Variants in MAPRE2 observed in about 807,000 individuals in gnomAD.
MAPRE2 encodes the protein microtubule associated protein RP/EB family member 2, also known as microtubule-associated protein RP/EB family member 2.
Under a neutral mutation model 43.2 loss-of-function variants are expected in MAPRE2, and 13 were observed. The observed-to-expected ratio is 0.30, with a 90% CI of 0.20 to 0.48. The LOEUF is 0.48. Ranked by LOEUF, MAPRE2 falls within the 20% of genes least tolerant of loss-of-function variation. MAPRE2 has a pLI of 0.99. For synonymous variants in MAPRE2, 135 were observed against 148.8 expected (o/e 0.91, Z 0.68); for missense variants, 161 against 400.2 (o/e 0.40, Z 5.10).
At chr18:35,133,114 A>G (rs571075616) in intron 6 of MAPRE2, among the ~76,000 whole-genome samples, 12 of 152,332 alleles carry the variant, frequency 7.9e-5, no homozygotes, top group Non-Finnish European at 1.6e-4. Context: ...TCTATAGGAC[A>G]TAGCAAGCCA....
At chr18:35,043,691 A>G (rs748128567) in intron 1 of MAPRE2, among the ~76,000 whole-genome samples, 1 of 152,226 alleles carries the variant, frequency 6.6e-6, no homozygotes, top group Non-Finnish European at 1.5e-5. Flanking sequence ...TGTATTTGAT[A>G]TAATAGGATT....
intron 4 of MAPRE2, among the ~76,000 whole-genome samples, chr18:35,111,871 G>A (rs1428452742): frequency 2.0e-5 from 3 of 152,138 alleles, no homozygotes; most frequent in Non-Finnish European, 4.4e-5. Flanking sequence ...GGTGGGCACA[G>A]GTACTCTTCT....
At chr18:35,128,869 C>T (rs1359040822) in intron 5 of MAPRE2, among the ~76,000 whole-genome samples, 7 of 152,164 alleles carry the variant, frequency 4.6e-5, no homozygotes, top group East Asian at 1.9e-4. Flanking sequence ...GGTTCTCTCC[C>T]GCTTATAGCC....
chr18:35,053,712 T>C (rs545442651), intron 1 of MAPRE2, among the ~76,000 whole-genome samples: 1 of 152,278 alleles, frequency 6.6e-6, no homozygotes, highest in Admixed American at 6.5e-5. Context: ...TACCATATGT[T>C]CTCACAAGTG....
At chr18:35,136,630 A>G (rs1910403239) in intron 6 of MAPRE2, among the ~76,000 whole-genome samples, 1 of 152,210 alleles carries the variant, frequency 6.6e-6, no homozygotes, top group African/African-American at 2.4e-5. Flanking sequence ...CTGCATGAGC[A>G]AAGCAGAGAA....
chr18:35,095,622 T>C (rs1013352435), intron 2 of MAPRE2, among the ~76,000 whole-genome samples: 6 of 151,622 alleles, frequency 4.0e-5, no homozygotes, highest in African/African-American at 1.2e-4. Flanking sequence ...TGGGTCTCCA[T>C]AGATAAATTT....
At chr18:35,070,127 C>G in intron 1 of MAPRE2, 68 bp from the exon 2 acceptor site, 2 of 1,433,878 alleles carry the variant, frequency 1.4e-6, no homozygotes, top group Non-Finnish European at 1.9e-6. Flanking sequence ...ATCTTGACCT[C>G]GAATAGGTAT....
At chr18:35,131,960 C>A in intron 5 of MAPRE2, 72 bp from the exon 6 acceptor site, 1 of 1,454,720 alleles carries the variant, frequency 6.9e-7, no homozygotes, top group Non-Finnish European at 9.5e-7. Context: ...GGGTTTTATT[C>A]ACAGGAATTG....
At chr18:35,077,090 C>CA (rs776887067) in intron 2 of MAPRE2, among the ~76,000 whole-genome samples, 1 of 152,044 alleles carries the variant, frequency 6.6e-6, no homozygotes, top group South Asian at 2.1e-4. Context: ...ATATACTGAA[C>CA]AAAAAATCAA....
At chr18:34,999,493 T>C (rs527732057) in intron 1 of MAPRE2, among the ~76,000 whole-genome samples, 2 of 152,334 alleles carry the variant, frequency 1.3e-5, no homozygotes, top group East Asian at 3.9e-4. Context: ...CTAGGCTACA[T>C]TTGTACGAAA....
intron 2 of MAPRE2, among the ~76,000 whole-genome samples, chr18:35,085,276 T>C (rs1218641798): frequency 6.6e-6 from 1 of 152,220 alleles, no homozygotes; most frequent in Non-Finnish European, 1.5e-5. Context: ...GAATGCTTCC[T>C]TCAACACGAG....
At chr18:35,084,446 T>C (rs142958645) in intron 2 of MAPRE2, among the ~76,000 whole-genome samples, 1 of 152,348 alleles carries the variant, frequency 6.6e-6, no homozygotes, top group African/African-American at 2.4e-5. Flanking sequence ...ACTGAGGGCA[T>C]TTATCAGATA....
chr18:35,021,514 C>T (rs1007474802), intron 2 of MAPRE2, among the ~76,000 whole-genome samples: 3 of 152,006 alleles, frequency 2.0e-5, no homozygotes, highest in Admixed American at 6.6e-5. Context: ...TAGAAGAAAA[C>T]GTTTAATAAA....
rs1231771026 is a variant in MAPRE2 at position 34,987,214 on chromosome 18, C to T, written c.-70+10135C>T. ...TACTTCAATAGGTATATTGTTAGTT[C>T]AAGTAGGGCTAACATGAGAAATCCA... is the stretch of plus-strand genomic sequence containing the variant. On this transcript the variant is annotated intron_variant, in intron 1 of 7. Transcript: ENST00000413393. Among the ~76,000 whole-genome samples the T allele has an allele frequency of 2.6e-5, 4 of 152,152 alleles. No individual in the cohort carries two copies. The East Asian group carries it at 7.7e-4, about 29-fold the overall frequency.
intron 1 of MAPRE2, among the ~76,000 whole-genome samples, chr18:34,985,544 T>G (rs1326370574): frequency 1.6e-5 from 1 of 62,814 alleles, no homozygotes; most frequent in South Asian, 4.9e-4. Context: ...TAATATATAA[T>G]ATATATATTA....
intron 2 of MAPRE2, among the ~76,000 whole-genome samples, chr18:35,092,304 A>G (rs1162748415): frequency 6.6e-6 from 1 of 152,236 alleles, no homozygotes; most frequent in Non-Finnish European, 1.5e-5. Flanking sequence ...AGCACACAGA[A>G]GTAAATCCAC....
intron 3 of MAPRE2, 94 bp downstream of exon 3, chr18:35,097,685 T>TCA: frequency 1.8e-6 from 2 of 1,082,698 alleles, no homozygotes; most frequent in Non-Finnish European, 2.7e-6. Context: ...CAATGGGATA[T>TCA]ATCTTGATAT....
chr18:35,018,844 A>C (rs1208578002), intron 2 of MAPRE2, among the ~76,000 whole-genome samples: 2 of 151,730 alleles, frequency 1.3e-5, no homozygotes, highest in African/African-American at 4.8e-5. Context: ...ATTTTAATTT[A>C]TTTATATTCT....
chr18:35,142,958 C>G lies in MAPRE2; in HGVS notation c.*2589C>G, dbSNP rs534904458. 37 of 152,120 alleles carry G rather than the reference C, an allele frequency of 2.4e-4. No homozygotes were observed. Among genetic ancestry groups the G allele is most frequent in the South Asian group, 1.2e-3 (6 of 4,814 alleles). The allele number at this position is 152,120 out of a possible 1,614,324, so 9.4% of individuals were successfully genotyped here. A position where few individuals can be genotyped will look rare whatever the true frequency, so the allele number is the denominator to read the frequency against. The stretch of plus-strand genomic sequence containing the variant: ...AGCCCAGTTTCATCCTTAGTACCCC[C>G]CCTCGTGCCCGCTGTCGGCTGGTTA... On this transcript the variant is annotated 3_prime_UTR_variant, in exon 7 of 7. Transcript: ENST00000300249.
Sources: gnomAD v4.1 joint callset for allele counts (sites outside exome capture counted in the v4.1 genomes callset) on GRCh38, gnomAD v4.1.1 for gene constraint, MANE v1.5 for transcripts, NCBI Gene and HGNC (gene_info 2026-07-23, HGNC 2026-07-21) for gene names.